COL13A1: variants seen among roughly 807,000 people sequenced by gnomAD.
COL13A1 encodes the protein collagen type XIII alpha 1 chain, also known as collagen alpha-1(XIII) chain.
Under a neutral mutation model 130.9 loss-of-function variants are expected in COL13A1, and 89 were observed. The ratio of observed to expected loss-of-function variants is 0.68; its 90% CI spans 0.57 to 0.81. COL13A1 has a LOEUF of 0.81. COL13A1 is among the 30% of genes least tolerant of loss of function. The pLI, the probability that COL13A1 is intolerant of heterozygous loss-of-function variation, is 0.00. For missense variants in COL13A1, 879 were observed against 934.6 expected (o/e 0.94, Z 0.78); for synonymous variants, 402 against 341.6 (o/e 1.18, Z -1.95).
chr10:69,814,942 G>A (rs1229597348), intron 1 of COL13A1, among the ~76,000 whole-genome samples: 1 of 152,226 alleles, frequency 6.6e-6, no homozygotes, highest in Non-Finnish European at 1.5e-5. Context: ...GGTGTTCAAT[G>A]TGCATAGCTG....
chr10:69,895,527 T>C (rs775492426), intron 12 of COL13A1, 23 bp from the exon 13 acceptor site: 14 of 1,613,802 alleles, frequency 8.7e-6, no homozygotes, highest in African/African-American at 1.3e-5. Context: ...TAACACCACC[T>C]TTCCCTTCCC....
At chr10:69,957,165 C>T in intron 40 of COL13A1, 123 bp downstream of exon 40, 1 of 811,514 alleles carries the variant, frequency 1.2e-6, no homozygotes, top group Non-Finnish European at 2.1e-6. Context: ...GTCACTGTCT[C>T]AAAGGCAGGG....
At chr10:69,932,822 C>T (rs1313482087) in intron 31 of COL13A1, among the ~76,000 whole-genome samples, 1 of 152,122 alleles carries the variant, frequency 6.6e-6, no homozygotes, top group Non-Finnish European at 1.5e-5. Flanking sequence ...CATCCTGGTG[C>T]TAGAGTCTGG....
chr10:69,878,059 C>G lies in COL13A1; in HGVS notation c.456C>G (p.Gly152=), dbSNP rs937419735. The change falls in exon 6 of 41, where the codon GGC becomes GGG. Residue 152 remains glycine, a synonymous_variant. Coordinates refer to ENST00000645393, the MANE Select transcript of COL13A1 (RefSeq NM_001368882.1). ...CCCAGGGAGTAAAGGGCCAACCAGGCGAGAAGGTGAGTCCACACTTTCCCC... is the reference window on the plus strand; with the variant it reads ...CCCAGGGAGTAAAGGGCCAACCAGGGGAGAAGGTGAGTCCACACTTTCCCC... ...PGRVGVKGQP[G]EKGSPGDAGL... is the part of the protein sequence containing the mutation. 1.4e-6 allele frequency: 1 copy of G among 702,996 alleles called. No homozygotes were observed. Among genetic ancestry groups the G allele is most frequent in the Admixed American group, 2.0e-5 (1 of 50,020 alleles). The allele number at this position is 702,996 out of a possible 1,614,324, so 43.5% of individuals were successfully genotyped here.
chr10:69,906,600 T>C (rs943827188), intron 17 of COL13A1, among the ~76,000 whole-genome samples: 2 of 152,154 alleles, frequency 1.3e-5, no homozygotes, highest in African/African-American at 4.8e-5. Context: ...CATTTTCTAA[T>C]GTCTTATTGG....
chr10:69,804,312 C>T (rs963850388), intron 1 of COL13A1, among the ~76,000 whole-genome samples: 2 of 152,050 alleles, frequency 1.3e-5, no homozygotes, highest in African/African-American at 2.4e-5. Context: ...TTCCCCTTCC[C>T]AGACCTTCCT....
intron 17 of COL13A1, among the ~76,000 whole-genome samples, chr10:69,911,887 G>A (rs200761656): frequency 8.5e-5 from 13 of 152,240 alleles, no homozygotes; most frequent in Admixed American, 6.5e-4. Flanking sequence ...AACCTTCCAC[G>A]ACAGCTATTC....
intron 1 of COL13A1, among the ~76,000 whole-genome samples, chr10:69,804,832 A>AAAAAAAAAAAC: frequency 8.0e-6 from 1 of 125,392 alleles, no homozygotes; most frequent in African/African-American, 2.9e-5. Flanking sequence ...AAAAAAAAAA[A>AAAAAAAAAAAC]AAAAAAAAAA....
Position 69,904,974 on chromosome 10 carries a change from G to T in COL13A1, c.885+15G>T. The stretch of plus-strand genomic sequence containing the variant: ...CTGGACCAAAGGTGAGTGTCCTTCT[G>T]GGTGATGTGTTGAACAGGTGGGAGA... On this transcript the variant is annotated intron_variant, in intron 16 of 40. Coordinates refer to ENST00000645393, the MANE Select transcript of COL13A1 (RefSeq NM_001368882.1). The T allele has an allele frequency of 6.4e-7, 1 of 1,557,456 alleles. No homozygotes were observed. The highest frequency in any genetic ancestry group is 8.7e-7 in the Non-Finnish European group (1 of 1,151,374).
At chr10:69,870,888 G>C (rs2059001320) in intron 3 of COL13A1, among the ~76,000 whole-genome samples, 1 of 152,084 alleles carries the variant, frequency 6.6e-6, no homozygotes, top group Non-Finnish European at 1.5e-5. Flanking sequence ...CAGTGAGGTA[G>C]GAGCACGCCT....
chr10:69,832,996 G>T (rs11592257), intron 2 of COL13A1, among the ~76,000 whole-genome samples: 1 of 152,108 alleles, frequency 6.6e-6, no homozygotes, highest in South Asian at 2.1e-4. Context: ...GTAGGAGAAC[G>T]AGGGGCAACT....
At position 69,917,352 on chromosome 10, in the gene COL13A1, C is replaced by T; in HGVS notation, c.966+19C>T. ...AGCCAAGGTACCTCCCCCTTCCCCA[C>T]ATCCCAGGCAGCCCCAAGGCCCCTC... On this transcript the variant is annotated intron_variant, in intron 18 of 40. Transcript: ENST00000645393. 1 of 1,609,506 alleles carries T rather than the reference C, an allele frequency of 6.2e-7. No homozygotes were observed. Among genetic ancestry groups the T allele is most frequent in the South Asian group, 1.1e-5 (1 of 90,178 alleles).
In COL13A1 at chr10:69,932,550, G is replaced by T. The variant is rs755523869; in HGVS notation, c.1684-10G>T. The T allele has an allele frequency of 1.9e-6, 3 of 1,608,396 alleles. No individual in the cohort carries two copies. ...GCTGGCATTCATGCAGTGGTGTTTTGTGCCCACAGGGAGAGAAAGGAGAAG... is the reference window on the plus strand; with the variant it reads ...GCTGGCATTCATGCAGTGGTGTTTTTTGCCCACAGGGAGAGAAAGGAGAAG... On this transcript the variant is annotated splice_polypyrimidine_tract_variant and intron_variant, in intron 30 of 40. Transcript: ENST00000645393.
chr10:69,952,106 T>C (rs1454272812), intron 38 of COL13A1, among the ~76,000 whole-genome samples: 6 of 152,212 alleles, frequency 3.9e-5, no homozygotes, highest in South Asian at 2.1e-4. Context: ...TAAACCAACA[T>C]ATTCATATAC....
At chr10:69,810,321 C>T (rs1842625717) in intron 1 of COL13A1, among the ~76,000 whole-genome samples, 1 of 140,196 alleles carries the variant, frequency 7.1e-6, no homozygotes, top group African/African-American at 2.6e-5. Flanking sequence ...TCGTGTTCTG[C>T]GGCTGGACCT....
chr10:69,873,755 A>G (rs2059318473), intron 4 of COL13A1, among the ~76,000 whole-genome samples: 1 of 152,256 alleles, frequency 6.6e-6, no homozygotes, highest in Non-Finnish European at 1.5e-5. Flanking sequence ...TCCACGGGTC[A>G]TGGTCTTGTT....
chr10:69,914,544 A>C (rs1213781073), intron 17 of COL13A1, among the ~76,000 whole-genome samples: 1 of 152,184 alleles, frequency 6.6e-6, no homozygotes, highest in East Asian at 1.9e-4. Flanking sequence ...TGGGAAGAAG[A>C]GGGCAGAGGC....
At position 69,895,691 on chromosome 10, in the gene COL13A1, G is replaced by A. The variant is rs1373360325; in HGVS notation, c.684+115G>A. 4 of 1,131,516 alleles carry A rather than the reference G, an allele frequency of 3.5e-6. No individual in the cohort carries two copies. The Admixed American group carries it at 5.3e-5, about 15-fold the overall frequency. The allele number at this position is 1,131,516 out of a possible 1,614,324, so 70.1% of individuals were successfully genotyped here. On this transcript the variant is annotated intron_variant, in intron 13 of 40. Coordinates refer to ENST00000645393, the MANE Select transcript of COL13A1 (RefSeq NM_001368882.1). ...TTACTAACAGATCATGGGGGAGCAGGAGCACCCACTGCCCTCTGCACTCAG... is the reference window on the plus strand; with the variant it reads ...TTACTAACAGATCATGGGGGAGCAGAAGCACCCACTGCCCTCTGCACTCAG...
intron 39 of COL13A1, chr10:69,955,823 G>T (rs1452744437): frequency 6.6e-6 from 1 of 152,202 alleles, no homozygotes; most frequent in Non-Finnish European, 1.5e-5. Context: ...TACTGGGGAA[G>T]TGTCTTCCCC....
Sources: allele counts gnomAD v4.1 joint callset (sites outside exome capture counted in the v4.1 genomes callset), GRCh38; gene constraint gnomAD v4.1.1; transcripts MANE v1.5; gene names NCBI Gene and HGNC (gene_info 2026-07-23, HGNC 2026-07-21).